Variants in CRPPA observed in about 807,000 individuals in gnomAD.
CRPPA encodes D-ribitol-5-phosphate cytidylyltransferase.
A neutral mutation model predicts 52.0 loss-of-function variants in CRPPA; 43 were observed. That is an observed-to-expected ratio of 0.83 (90% CI 0.65 to 1.07). The LOEUF is 1.07. CRPPA is among the 50% of genes least tolerant of loss of function. The probability of loss-of-function intolerance (pLI) is 0.00; values close to 1 mark genes in which losing one functional copy is unlikely to be tolerated. For synonymous variants in CRPPA, 250 were observed against 203.5 expected (o/e 1.23, Z -1.94); for missense variants, 629 against 551.7 (o/e 1.14, Z -1.40).
intron 9 of CRPPA, among the ~76,000 whole-genome samples, chr7:16,150,682 T>G (rs181130889): frequency 6.6e-6 from 1 of 152,310 alleles, no homozygotes; most frequent in Non-Finnish European, 1.5e-5. Context: ...ATATGAAAGA[T>G]GCCTTGTCTT....
intron 8 of CRPPA, among the ~76,000 whole-genome samples, chr7:16,219,933 A>T: frequency 6.8e-6 from 1 of 148,136 alleles, no homozygotes; most frequent in Non-Finnish European, 1.5e-5. Flanking sequence ...ATCCTCCCTA[A>T]CTCATTTTAT....
intron 5 of CRPPA, among the ~76,000 whole-genome samples, chr7:16,293,121 A>T (rs1327023820): frequency 1.3e-5 from 2 of 151,872 alleles, no homozygotes; most frequent in Non-Finnish European, 2.9e-5. Context: ...CTCAGTAACA[A>T]TGGAAGAAAG....
intron 3 of CRPPA, among the ~76,000 whole-genome samples, chr7:16,330,383 G>T (rs565284924): frequency 7.2e-5 from 11 of 152,250 alleles, no homozygotes; most frequent in African/African-American, 2.2e-4. Flanking sequence ...CTAACAAGCT[G>T]AACTACTGAA....
Position 16,255,924 on chromosome 7 carries a change from A to C in CRPPA, c.1119+2466T>G, listed in dbSNP as rs185740631. ...TAAAACACCAAAAGCAATGGCAACA[A>C]AAGCCAAAATTGACAAATGGGATCT... On this transcript the variant is annotated intron_variant, in intron 8 of 9. Transcript: ENST00000407010. Among the ~76,000 whole-genome samples the C allele has an allele frequency of 1.4e-4, 22 of 152,342 alleles. No homozygotes were observed. The East Asian group carries it at 4.2e-3, about 29-fold the overall frequency.
At chr7:16,145,196 C>T (rs982548031) in intron 9 of CRPPA, among the ~76,000 whole-genome samples, 3 of 152,212 alleles carry the variant, frequency 2.0e-5, no homozygotes, top group Admixed American at 1.3e-4. Context: ...CATGCCCAGG[C>T]AGAAGCATGC....
At chr7:16,284,506 G>A (rs2892804) in intron 5 of CRPPA, among the ~76,000 whole-genome samples, 121,659 of 152,018 alleles carry the variant, frequency 0.8, 49,346 homozygotes, top group African/African-American at 0.92. Context: ...AATATGATCA[G>A]TTTCTGACTT....
At chr7:16,373,523 T>G (rs1399880850) in intron 3 of CRPPA, among the ~76,000 whole-genome samples, 3 of 152,078 alleles carry the variant, frequency 2.0e-5, no homozygotes, top group African/African-American at 7.2e-5. Flanking sequence ...AGCAGAGGAG[T>G]TTGACATTTC....
chr7:16,329,396 G>A (rs1419484573), intron 3 of CRPPA, among the ~76,000 whole-genome samples: 8 of 152,288 alleles, frequency 5.3e-5, no homozygotes, highest in African/African-American at 1.9e-4. Flanking sequence ...TGAAGTGCAT[G>A]GCCCTGGAAG....
At chr7:16,249,968 A>G (rs1783398265) in intron 8 of CRPPA, among the ~76,000 whole-genome samples, 1 of 152,180 alleles carries the variant, frequency 6.6e-6, no homozygotes, top group Non-Finnish European at 1.5e-5. Context: ...CAACACAAGG[A>G]AGCTAAGAAC....
intron 8 of CRPPA, among the ~76,000 whole-genome samples, chr7:16,228,253 TC>T (rs1782702145): frequency 1.3e-5 from 2 of 151,810 alleles, no homozygotes; most frequent in Non-Finnish European, 3.0e-5. Context: ...TTTTAGCCCT[TC>T]AAAAAAACTC....
chr7:16,182,796 T>A (rs1430707145), intron 9 of CRPPA, among the ~76,000 whole-genome samples: 2 of 152,212 alleles, frequency 1.3e-5, no homozygotes, highest in Non-Finnish European at 2.9e-5. Context: ...TTTGTCATCA[T>A]CTTACCTTTT....
At chr7:16,303,483 A>AC (rs1784834950) in intron 4 of CRPPA, among the ~76,000 whole-genome samples, 1 of 141,358 alleles carries the variant, frequency 7.1e-6, no homozygotes, top group Non-Finnish European at 1.5e-5. Context: ...ATAGTAAAAA[A>AC]AAAAAAAAAA....
At chr7:16,149,563 C>T (rs935847298) in intron 9 of CRPPA, among the ~76,000 whole-genome samples, 1 of 152,138 alleles carries the variant, frequency 6.6e-6, no homozygotes, top group Admixed American at 6.5e-5. Flanking sequence ...CAAAATTTAG[C>T]ATTCAAGCAT....
chr7:16,399,600 G>C (rs1425472190), intron 2 of CRPPA, among the ~76,000 whole-genome samples: 1 of 151,924 alleles, frequency 6.6e-6, no homozygotes, highest in East Asian at 1.9e-4. Context: ...TACACGATTG[G>C]CATGTGTCCA....
At chr7:16,174,336 G>A (rs1408928416) in intron 9 of CRPPA, among the ~76,000 whole-genome samples, 1 of 152,174 alleles carries the variant, frequency 6.6e-6, no homozygotes, top group Non-Finnish European at 1.5e-5. Flanking sequence ...GTAAGAGGTA[G>A]ATAGTATTTG....
At chr7:16,175,218 G>A (rs1387367884) in intron 9 of CRPPA, among the ~76,000 whole-genome samples, 2 of 152,076 alleles carry the variant, frequency 1.3e-5, no homozygotes, top group Admixed American at 6.6e-5. Flanking sequence ...AAACTGATCA[G>A]CTTTAAACAT....
At chr7:16,371,459 C>T (rs906780832) in intron 3 of CRPPA, among the ~76,000 whole-genome samples, 10 of 151,924 alleles carry the variant, frequency 6.6e-5, no homozygotes, top group Non-Finnish European at 2.9e-5. Context: ...GCAGCATCTT[C>T]TCCCCTAAAA....
chr7:16,138,353 G>C (rs1393872191), intron 9 of CRPPA, among the ~76,000 whole-genome samples: 1 of 152,060 alleles, frequency 6.6e-6, no homozygotes, highest in Non-Finnish European at 1.5e-5. Flanking sequence ...AAAGTAAAGG[G>C]GAAAAGCTAA....
chr7:16,355,006 A>T (rs1156536245), intron 3 of CRPPA, among the ~76,000 whole-genome samples: 7 of 152,204 alleles, frequency 4.6e-5, no homozygotes, highest in Non-Finnish European at 7.3e-5. Context: ...AATATTCTTT[A>T]ACCTTTTCAT....
Sources: gnomAD v4.1 joint callset for allele counts (sites outside exome capture counted in the v4.1 genomes callset) on GRCh38, gnomAD v4.1.1 for gene constraint, MANE v1.5 for transcripts, NCBI Gene and HGNC (gene_info 2026-07-23, HGNC 2026-07-21) for gene names.